Variants in RIMS3 observed in about 807,000 individuals in gnomAD.
The protein encoded by RIMS3 is regulating synaptic membrane exocytosis 3.
In RIMS3, 15 loss-of-function variants were observed where a neutral mutation model predicts 29.2. That is an observed-to-expected ratio of 0.51 (90% CI 0.34 to 0.79). The LOEUF is 0.79. Among genes scored for constraint, RIMS3 ranks in the 30% least tolerant of loss-of-function variants. The pLI is 0.01. For synonymous variants in RIMS3, 161 were observed against 170.1 expected (o/e 0.95, Z 0.41); for missense variants, 342 against 421.4 (o/e 0.81, Z 1.65).
intron 6 of RIMS3, 145 bp from the exon 7 acceptor site, chr1:40,629,094 C>G (rs1321547841): frequency 8.6e-7 from 1 of 1,156,880 alleles, no homozygotes; most frequent in African/African-American, 1.5e-5. Flanking sequence ...AGAGGTGACT[C>G]AAGTACTGAT....
upstream of RIMS3, among the ~76,000 whole-genome samples, chr1:40,670,188 T>C (rs957160016): frequency 2.0e-5 from 3 of 152,192 alleles, no homozygotes; most frequent in African/African-American, 7.2e-5. Flanking sequence ...AAGTATTTAT[T>C]ATATGTTGAA....
At chr1:40,653,090 T>A (rs1642214847) in intron 1 of RIMS3, among the ~76,000 whole-genome samples, 1 of 152,172 alleles carries the variant, frequency 6.6e-6, no homozygotes, top group Non-Finnish European at 1.5e-5. Context: ...GAATTCCCAG[T>A]TTAGTCCCGA....
chr1:40,682,298 T>G, the RIMS3 span, among the ~76,000 whole-genome samples: 1 of 152,218 alleles, frequency 6.6e-6, no homozygotes, highest in Non-Finnish European at 1.5e-5. Flanking sequence ...CAGGGGCTGA[T>G]AGTACCATCA....
Position 40,635,841 on chromosome 1 carries a change from C to T in RIMS3, c.359+75G>A. The T allele has an allele frequency of 6.4e-7, 1 of 1,569,884 alleles. No individual in the cohort carries two copies. Among genetic ancestry groups the T allele is most frequent in the Non-Finnish European group, 8.7e-7 (1 of 1,153,348 alleles). On this transcript the variant is annotated intron_variant, in intron 4 of 7. Coordinates refer to ENST00000372684, the MANE Select transcript of RIMS3 (RefSeq NM_014747.3). The surrounding 1 kb of genome is among the most constrained non-coding windows in gnomAD (Gnocchi z 4.1). ...GCTGGAAACAAAACAGGGAGGCTTTCCCACCCTGCCCAGTGGCTCTGTGAC... is the reference window on the plus strand; with the variant it reads ...GCTGGAAACAAAACAGGGAGGCTTTTCCACCCTGCCCAGTGGCTCTGTGAC...
rs2148341080 is a variant in RIMS3 at position 40,624,421 on chromosome 1, G to C, written c.*2096C>G. On this transcript the variant is annotated 3_prime_UTR_variant, in exon 8 of 8. Transcript: ENST00000372684. ...TCCCCCACTAGGGTCGAGGAGGACA[G>C]AGCCCTTTGTCCATTTCCAAGAACT... The C allele has an allele frequency of 6.6e-6, 1 of 152,388 alleles. No homozygotes were observed. Among genetic ancestry groups the C allele is most frequent in the African/African-American group, 2.4e-5 (1 of 41,580 alleles). 9.4% of individuals were successfully genotyped at this position (152,388 alleles called of 1,614,324 possible).
intron 3 of RIMS3, among the ~76,000 whole-genome samples, chr1:40,639,889 G>A (rs1168230643): frequency 6.6e-6 from 1 of 152,148 alleles, no homozygotes; most frequent in African/African-American, 2.4e-5. Flanking sequence ...CTTTAGCCAT[G>A]CCCTTGCATA....
At position 40,623,121 on chromosome 1, in the gene RIMS3, T is replaced by C; in HGVS notation, c.*3396A>G. On this transcript the variant is annotated 3_prime_UTR_variant, in exon 8 of 8. Transcript: ENST00000372684. ...CAGAGGATGAGCTCTATGGGTGGCC[T>C]TTCTTGGAGCTCCTGGGTTCTGCCT... The C allele has an allele frequency of 3.2e-6, 1 of 310,166 alleles. No individual in the cohort carries two copies. Among genetic ancestry groups the C allele is most frequent in the Non-Finnish European group, 5.9e-6 (1 of 170,522 alleles). 19.2% of individuals were successfully genotyped at this position (310,166 alleles called of 1,614,324 possible).
rs1325865818 is a variant in RIMS3 at position 40,636,589 on chromosome 1, T to C, written c.218-532A>G. Among the ~76,000 whole-genome samples, 1 of 152,068 alleles carries C rather than the reference T, an allele frequency of 6.6e-6. No homozygotes were observed. The highest frequency in any genetic ancestry group is 1.5e-5 in the Non-Finnish European group (1 of 68,010). Reference sequence around the variant, plus strand: ...GCCCCCATGGGAAGCCTGGCCACTCTCAAACAAACCCACCTTCTCTAGGTG... The same window carrying C: ...GCCCCCATGGGAAGCCTGGCCACTCCCAAACAAACCCACCTTCTCTAGGTG... On this transcript the variant is annotated intron_variant, in intron 3 of 7. Coordinates refer to ENST00000372684, the MANE Select transcript of RIMS3 (RefSeq NM_014747.3). The surrounding 1 kb of genome is among the most constrained non-coding windows in gnomAD (Gnocchi z 4.2).
chr1:40,687,756 ACT>A, the RIMS3 span, among the ~76,000 whole-genome samples: 1 of 151,726 alleles, frequency 6.6e-6, no homozygotes, highest in East Asian at 1.9e-4. Context: ...ATTCCCTCTT[ACT>A]CTGTGTTTCC....
the RIMS3 span, among the ~76,000 whole-genome samples, chr1:40,689,711 G>A: frequency 0.79 from 119,470 of 152,166 alleles, 47,521 homozygotes; most frequent in African/African-American, 0.9. Context: ...AGGGAAGGGC[G>A]GAGGCTATTG....
chr1:40,633,272 G>C, intron 4 of RIMS3, 91 bp from the exon 5 acceptor site: 3 of 962,182 alleles, frequency 3.1e-6, no homozygotes, highest in Non-Finnish European at 4.9e-6. Flanking sequence ...TGGCCCTGGG[G>C]CCCTGGGCAC....
At chr1:40,660,745 C>T (rs185095896) in intron 1 of RIMS3, among the ~76,000 whole-genome samples, 20 of 151,650 alleles carry the variant, frequency 1.3e-4, no homozygotes, top group African/African-American at 4.4e-4. Context: ...GAGAAGTAAA[C>T]GAGATTACCC....
rs1642245161 is a variant in RIMS3, at chr1:40,654,508, A to ACAC, written c.-206-6669_-206-6667dup. On this transcript the variant is annotated intron_variant, in intron 1 of 7. Transcript: ENST00000372684. This position sits in a 1 kb window ranked among gnomAD's most constrained non-coding sequence, Gnocchi z 5.3. ...GTACACAAAACAACAGGCACACACCACACCCAGCAGGCAATCCACCTAGAC... is the reference window on the plus strand; with the variant it reads ...GTACACAAAACAACAGGCACACACCACACCACCCAGCAGGCAATCCACCTAGAC... Among the ~76,000 whole-genome samples, 1 of 152,092 alleles carries ACAC rather than the reference A, an allele frequency of 6.6e-6. No homozygotes were observed. The highest frequency in any genetic ancestry group is 1.5e-5 in the Non-Finnish European group (1 of 68,012).
intron 1 of RIMS3, among the ~76,000 whole-genome samples, chr1:40,650,629 A>G (rs1199555395): frequency 6.6e-6 from 1 of 152,064 alleles, no homozygotes; most frequent in Non-Finnish European, 1.5e-5. Flanking sequence ...AGGGAGGCCA[A>G]GGCAGGTGAA....
the RIMS3 span, among the ~76,000 whole-genome samples, chr1:40,679,035 A>G: frequency 6.6e-6 from 1 of 152,238 alleles, no homozygotes; most frequent in African/African-American, 2.4e-5. Flanking sequence ...AAGTGTCGCT[A>G]GACCCCAAAG....
intron 4 of RIMS3, among the ~76,000 whole-genome samples, chr1:40,634,889 TGA>T (rs1646509925): frequency 6.7e-6 from 1 of 148,410 alleles, no homozygotes; most frequent in Non-Finnish European, 1.5e-5. Flanking sequence ...TGTGGTGAGC[TGA>T]GATTGCACCA....
the RIMS3 span, among the ~76,000 whole-genome samples, chr1:40,673,001 G>A: frequency 0.024 from 3,640 of 152,194 alleles, 68 homozygotes; most frequent in Middle Eastern, 0.058. Context: ...CCAACATGGT[G>A]AAAACCTGTC....
At chr1:40,682,739 A>ATATTTTTTTTTT in the RIMS3 span, among the ~76,000 whole-genome samples, 1 of 46,488 alleles carries the variant, frequency 2.2e-5, no homozygotes, top group Non-Finnish European at 4.4e-5. Context: ...CCCTTTGCAG[A>ATATTTTTTTTTT]TCTTTTTTTT....
At chr1:40,667,788 G>T (rs1273509861), upstream of RIMS3, among the ~76,000 whole-genome samples, 1 of 152,048 alleles carries the variant, frequency 6.6e-6, no homozygotes, top group African/African-American at 2.4e-5. Context: ...ACAAAATGGA[G>T]TATGGAAATG....
Sources: allele counts gnomAD v4.1 joint callset (sites outside exome capture counted in the v4.1 genomes callset), GRCh38; gene constraint gnomAD v4.1.1; non-coding constraint Gnocchi (gnomAD v3.1); transcripts MANE v1.5; gene names NCBI Gene and HGNC (gene_info 2026-07-23, HGNC 2026-07-21).